Variants in CDH13 observed in about 807,000 individuals in gnomAD.
The protein encoded by CDH13 is cadherin-13.
CDH13 carries 24 observed loss-of-function variants against 63.8 expected under a neutral mutation model. The ratio of observed to expected loss-of-function variants is 0.38; its 90% CI spans 0.27 to 0.53. The LOEUF (loss-of-function observed/expected upper bound fraction) is 0.53, where lower values mean the gene tolerates loss of function less well. Ranked by LOEUF, CDH13 falls within the 20% of genes least tolerant of loss-of-function variation. The pLI is 0.85. For missense variants in CDH13, 1,049 were observed against 903.1 expected (o/e 1.16, Z -2.07); for synonymous variants, 503 against 355.3 (o/e 1.42, Z -4.67).
intron 2 of CDH13, among the ~76,000 whole-genome samples, chr16:82,981,522 G>C (rs890219860): frequency 6.6e-6 from 1 of 152,080 alleles, no homozygotes; most frequent in East Asian, 1.9e-4. Context: ...TTCCTTGTTA[G>C]GGCTTAACCC....
At chr16:83,023,776 G>A (rs898025237) in intron 2 of CDH13, among the ~76,000 whole-genome samples, 1 of 152,098 alleles carries the variant, frequency 6.6e-6, no homozygotes, top group Non-Finnish European at 1.5e-5. Flanking sequence ...CACAATGCAG[G>A]GCTGATGTCA....
At chr16:83,674,054 C>G (rs1288657226) in intron 9 of CDH13, among the ~76,000 whole-genome samples, 1 of 152,174 alleles carries the variant, frequency 6.6e-6, no homozygotes, top group Non-Finnish European at 1.5e-5. Flanking sequence ...AGGCAGAGCC[C>G]CAGAACACCT....
chr16:83,522,604 A>T (rs2074866834), intron 7 of CDH13, among the ~76,000 whole-genome samples: 1 of 152,216 alleles, frequency 6.6e-6, no homozygotes, highest in African/African-American at 2.4e-5. Context: ...CTATAAATGA[A>T]AGTAATAAAG....
chr16:82,979,747 A>G (rs1358037326), intron 2 of CDH13, among the ~76,000 whole-genome samples: 2 of 152,348 alleles, frequency 1.3e-5, no homozygotes, highest in East Asian at 3.9e-4. Context: ...GCACAGACCA[A>G]CAAGGAGTAT....
chr16:82,646,882 A>G (rs1366106782), intron 1 of CDH13, among the ~76,000 whole-genome samples: 2 of 152,206 alleles, frequency 1.3e-5, no homozygotes. Context: ...TACTCACAGC[A>G]CGTTCAGGGG....
chr16:82,865,480 A>C (rs932896646), intron 2 of CDH13, among the ~76,000 whole-genome samples: 1 of 152,228 alleles, frequency 6.6e-6, no homozygotes, highest in Non-Finnish European at 1.5e-5. Flanking sequence ...ACCACGTGTA[A>C]TATGCCTAGG....
rs925365429 is a variant in CDH13, at chr16:83,800,623, C to T, written c.*5593C>T. 1 of 152,220 alleles carries T rather than the reference C, an allele frequency of 6.6e-6. No individual in the cohort carries two copies. The highest frequency in any genetic ancestry group is 1.9e-4 in the East Asian group (1 of 5,206). The allele number at this position is 152,220 out of a possible 1,614,324, so 9.4% of individuals were successfully genotyped here. A position where few individuals can be genotyped will look rare whatever the true frequency, so the allele number is the denominator to read the frequency against. Reference sequence around the variant, plus strand: ...TTGTTTGTGAAACATTCAAATAAAGCTTATCTGGGATTTTTAACTTGTGTG... The same window carrying T: ...TTGTTTGTGAAACATTCAAATAAAGTTTATCTGGGATTTTTAACTTGTGTG... On this transcript the variant is annotated 3_prime_UTR_variant, in exon 14 of 14. Transcript: ENST00000567109.
chr16:82,933,953 T>A (rs6565085), intron 2 of CDH13, among the ~76,000 whole-genome samples: 39,801 of 152,168 alleles, frequency 0.26, 6,069 homozygotes, highest in African/African-American at 0.43. Flanking sequence ...GCTGCTTTCA[T>A]GGGCTGGCAG....
intron 4 of CDH13, among the ~76,000 whole-genome samples, chr16:83,189,498 G>T (rs1409695101): frequency 6.6e-6 from 1 of 152,230 alleles, no homozygotes; most frequent in Non-Finnish European, 1.5e-5. Flanking sequence ...AGAACACAGA[G>T]GTTGTATGTG....
At chr16:83,408,417 C>T (rs957454274) in intron 6 of CDH13, among the ~76,000 whole-genome samples, 1 of 152,142 alleles carries the variant, frequency 6.6e-6, no homozygotes, top group Non-Finnish European at 1.5e-5. Flanking sequence ...CTGCTACATG[C>T]CTATCCTGTA....
intron 7 of CDH13, among the ~76,000 whole-genome samples, chr16:83,525,716 A>T (rs898073532): frequency 1.3e-5 from 2 of 152,134 alleles, no homozygotes; most frequent in Admixed American, 6.5e-5. Context: ...GGAGTCCTTG[A>T]GTCGGGGAGA....
intron 5 of CDH13, among the ~76,000 whole-genome samples, chr16:83,256,836 C>G (rs1157143251): frequency 9.8e-6 from 1 of 101,654 alleles, no homozygotes; most frequent in African/African-American, 4.0e-5. Context: ...CGGAGCGAGA[C>G]TCCATCTCAA....
intron 2 of CDH13, among the ~76,000 whole-genome samples, chr16:83,002,777 G>A (rs1470743678): frequency 6.6e-6 from 1 of 152,134 alleles, no homozygotes; most frequent in East Asian, 1.9e-4. Context: ...GGTATGTGGA[G>A]GAAAAGCTGT....
At chr16:83,432,680 G>C (rs533986718) in intron 6 of CDH13, among the ~76,000 whole-genome samples, 1 of 152,304 alleles carries the variant, frequency 6.6e-6, no homozygotes, top group South Asian at 2.1e-4. Context: ...GGCTCATGCA[G>C]ATGTCATGAG....
chr16:82,645,047 C>T (rs1909925139), intron 1 of CDH13, among the ~76,000 whole-genome samples: 1 of 152,116 alleles, frequency 6.6e-6, no homozygotes, highest in African/African-American at 2.4e-5. Context: ...TTTCAGAGGG[C>T]TCTTCCCAAA....
chr16:82,685,421 TC>T (rs1342431957), intron 1 of CDH13, among the ~76,000 whole-genome samples: 2 of 152,134 alleles, frequency 1.3e-5, no homozygotes, highest in African/African-American at 4.8e-5. Context: ...CCTAATCACC[TC>T]CCAAAGGCCC....
chr16:83,127,701 T>C (rs922768168), intron 4 of CDH13, among the ~76,000 whole-genome samples: 1 of 152,172 alleles, frequency 6.6e-6, no homozygotes, highest in African/African-American at 2.4e-5. Flanking sequence ...TACTCCAGCA[T>C]GGGCGACAGG....
At chr16:83,674,668 G>C (rs1486308111) in intron 9 of CDH13, among the ~76,000 whole-genome samples, 1 of 152,204 alleles carries the variant, frequency 6.6e-6, no homozygotes, top group African/African-American at 2.4e-5. Flanking sequence ...ACTATTTGGA[G>C]TCTCAGGATG....
In CDH13 at chr16:83,021,725, C is replaced by T. The variant is rs188835265; in HGVS notation, c.158-10285C>T. Among the ~76,000 whole-genome samples, 80 of 152,290 alleles carry T rather than the reference C, an allele frequency of 5.3e-4. 2 individuals carry two copies. Among genetic ancestry groups the T allele is most frequent in the African/African-American group, 1.8e-3 (76 of 41,556 alleles). On this transcript the variant is annotated intron_variant, in intron 2 of 13. Transcript: ENST00000567109. The stretch of plus-strand genomic sequence containing the variant: ...ATGTTTGTTCTGCACTTACCAAATT[C>T]TATAAAGCCTTTGGAAGTGAAATTC...
Sources: gnomAD v4.1 joint callset for allele counts (sites outside exome capture counted in the v4.1 genomes callset) on GRCh38, gnomAD v4.1.1 for gene constraint, MANE v1.5 for transcripts, NCBI Gene and HGNC (gene_info 2026-07-23, HGNC 2026-07-21) for gene names.